CHTOP: variants seen among roughly 807,000 people sequenced by gnomAD.
CHTOP encodes chromatin target of PRMT1.
Under a neutral mutation model 33.6 loss-of-function variants are expected in CHTOP, and 18 were observed. The ratio of observed to expected loss-of-function variants is 0.54; its 90% CI spans 0.37 to 0.80. The LOEUF is 0.80. Among genes scored for constraint, CHTOP ranks in the 30% least tolerant of loss-of-function variants. CHTOP has a pLI of 0.00. For synonymous variants in CHTOP, 117 were observed against 127.7 expected, an observed-to-expected ratio of 0.92 and a Z score of 0.56; for missense variants, 263 against 336.8, an observed-to-expected ratio of 0.78 and a Z score of 1.71.
At position 153,642,378 on chromosome 1, in the gene CHTOP, C is replaced by T; in HGVS notation, c.352C>T (p.Arg118Cys). 3 of 1,614,078 alleles carry T rather than the reference C, an allele frequency of 1.9e-6. No individual in the cohort carries two copies. The highest frequency in any genetic ancestry group is 2.5e-6 in the Non-Finnish European group (3 of 1,179,974). ...IQRGLPRGGL[R>C]GGRATRTLLR... ...GAGAGGCTTGCCCAGAGGAGGACTA[C>T]GTGGGGGACGTGCCACCAGAACCCT... The change falls in exon 4 of 6, where the codon CGT becomes TGT. Residue 118 changes from arginine (R) to cysteine (C), a missense_variant. Physicochemically the swap from Arg to Cys is radical, Grantham distance 180 (BLOSUM62 -3). Transcript: ENST00000368694.
At chr1:153,636,758 A>T (rs1317651005) in intron 2 of CHTOP, 105 bp downstream of exon 2, 2 of 927,636 alleles carry the variant, frequency 2.2e-6, no homozygotes, top group Non-Finnish European at 3.4e-6. Context: ...TACCAACAGA[A>T]GGCTACAGAC....
At chr1:153,643,906 G>C (rs1668713522) in intron 5 of CHTOP, 1 of 152,260 alleles carries the variant, frequency 6.6e-6, no homozygotes. Flanking sequence ...GAGCAAGATG[G>C]AATTATTATC....
At chr1:153,635,773 G>A (rs1463969567) in intron 1 of CHTOP, among the ~76,000 whole-genome samples, 1 of 151,150 alleles carries the variant, frequency 6.6e-6, no homozygotes, top group Non-Finnish European at 1.5e-5. Flanking sequence ...AGTGAACTGA[G>A]ATCACGCCTC....
intron 2 of CHTOP, chr1:153,636,908 T>C (rs983191720): frequency 4.8e-6 from 2 of 420,858 alleles, no homozygotes; most frequent in African/African-American, 4.0e-5. Context: ...CCTAACACTC[T>C]TCCTTTTCAC....
rs546994798 is a variant in CHTOP, at chr1:153,638,914, T to C, written c.219+466T>C. 7.4e-4 allele frequency among the ~76,000 whole-genome samples: 112 copies of C among 151,258 alleles called. 1 individual carries two copies. The highest frequency in any genetic ancestry group is 4.8e-3 in the South Asian group (23 of 4,792). Reference sequence around the variant, plus strand: ...TTTTTTTTTTTAGACGGAGTCTTGCTCTGTCGCCCAGGCTGGAGTGCAGTG... The same window carrying C: ...TTTTTTTTTTTAGACGGAGTCTTGCCCTGTCGCCCAGGCTGGAGTGCAGTG... On this transcript the variant is annotated intron_variant, in intron 3 of 5. Coordinates refer to ENST00000368694, the MANE Select transcript of CHTOP (RefSeq NM_015607.4).
At chr1:153,642,224 C>G in intron 3 of CHTOP, 22 bp from the exon 4 acceptor site, 1 of 1,593,324 alleles carries the variant, frequency 6.3e-7, no homozygotes, top group African/African-American at 1.3e-5. Flanking sequence ...TCTCAATCCC[C>G]TAACACCTTT....
At chr1:153,643,551 GAATC>G in intron 5 of CHTOP, 187 bp downstream of exon 5, 1 of 562,232 alleles carries the variant, frequency 1.8e-6, no homozygotes, top group Middle Eastern at 5.0e-4. Context: ...ATTTTTCCAA[GAATC>G]AATCAAGTGC....
intron 5 of CHTOP, chr1:153,643,620 T>G (rs980422828): frequency 3.0e-6 from 1 of 336,246 alleles, no homozygotes; most frequent in Non-Finnish European, 5.3e-6. Flanking sequence ...CAAATTTAAA[T>G]TGTATAGTTG....
chr1:153,643,471 T>C, intron 5 of CHTOP, 107 bp downstream of exon 5: 1 of 1,153,674 alleles, frequency 8.7e-7, no homozygotes. Context: ...GCTTCTTTGT[T>C]TGTCTTGTTT....
At chr1:153,641,447 C>CT (rs1414386974) in intron 3 of CHTOP, among the ~76,000 whole-genome samples, 2 of 152,002 alleles carry the variant, frequency 1.3e-5, no homozygotes, top group Non-Finnish European at 2.9e-5. Context: ...TGTCCTTGTT[C>CT]TTATATATGG....
chr1:153,644,352 G>GGA lies in CHTOP; in HGVS notation c.542-707_542-706dup, dbSNP rs1204901616. On this transcript the variant is annotated intron_variant, in intron 5 of 5. Transcript: ENST00000368694. ...GATCCTGAGAGACATCACGAGGGTG[G>GGA]GAGAGACTAAAATAGCTTTTCAAAA... 9 of 152,294 alleles carry GGA rather than the reference G, an allele frequency of 5.9e-5. No individual in the cohort carries two copies. The East Asian group carries it at 1.7e-3, about 29-fold the overall frequency. 9.4% of individuals were successfully genotyped at this position (152,294 alleles called of 1,614,324 possible).
chr1:153,636,654 G>A lies in CHTOP; in HGVS notation c.65+1G>A. 1 of 1,612,578 alleles carries A rather than the reference G, an allele frequency of 6.2e-7. No individual in the cohort carries two copies. Among genetic ancestry groups the A allele is most frequent in the Middle Eastern group, 1.7e-4 (1 of 6,058 alleles). Reference sequence around the variant, plus strand: ...CCACCAAGATGTCTCTAAATGAGCGGTGAGGCAGCCAACAGCAACTTCAAC... The same window carrying A: ...CCACCAAGATGTCTCTAAATGAGCGATGAGGCAGCCAACAGCAACTTCAAC... On this transcript the variant is annotated splice_donor_variant, in intron 2 of 5. Transcript: ENST00000368694. LOFTEE classifies it high-confidence loss of function.
At chr1:153,636,722 A>T (rs1214808202) in intron 2 of CHTOP, 69 bp downstream of exon 2, 28 of 1,372,034 alleles carry the variant, frequency 2.0e-5, no homozygotes, top group Non-Finnish European at 4.1e-6. Context: ...CTGGGGTCCA[A>T]TGCACAAAGC....
chr1:153,645,009 C>T, intron 5 of CHTOP, 55 bp from the exon 6 acceptor site: 1 of 1,532,470 alleles, frequency 6.5e-7, no homozygotes, highest in Non-Finnish European at 8.9e-7. Flanking sequence ...ACTACAGCAC[C>T]TATTAAACTT....
intron 1 of CHTOP, among the ~76,000 whole-genome samples, chr1:153,635,749 G>C (rs1431819598): frequency 6.6e-6 from 1 of 151,824 alleles, no homozygotes; most frequent in South Asian, 2.1e-4. Context: ...CTTGAACGGG[G>C]AGGCAGAGGT....
chr1:153,638,460 G>A lies in CHTOP; in HGVS notation c.219+12G>A. The A allele has an allele frequency of 6.2e-7, 1 of 1,614,102 alleles. No homozygotes were observed. The highest frequency in any genetic ancestry group is 2.2e-5 in the East Asian group (1 of 44,882). On this transcript the variant is annotated intron_variant, in intron 3 of 5. Coordinates refer to ENST00000368694, the MANE Select transcript of CHTOP (RefSeq NM_015607.4). ...TAAAACTTAAGCAGGTGAGAGAATG[G>A]GTCTTAATGCTCCAGAAGCAGCTGG...
intron 1 of CHTOP, among the ~76,000 whole-genome samples, chr1:153,635,628 C>A (rs1021953683): frequency 4.0e-5 from 6 of 151,894 alleles, no homozygotes; most frequent in Non-Finnish European, 8.8e-5. Flanking sequence ...CAAGACCACC[C>A]TGGCCAACGT....
Position 153,643,350 on chromosome 1 carries a change from G to C in CHTOP, c.527G>C (p.Gly176Ala), listed in dbSNP as rs1396325012. ...GLGRGAMGRG[G>A]IGGRGRGMIG... ...GGGCGTGGAGCTATGGGTCGTGGCG[G>C]AATCGGTGGTAGAGGTTAGTCAGCT... The change falls in exon 5 of 6, where the codon GGA (glycine) becomes GCA (alanine). Residue 176 changes from glycine (G) to alanine (A), a missense_variant. By Grantham distance (60) the Gly-to-Ala change is moderately conservative. This residue lies in a region of CHTOP where 168 missense variants were observed against 179.9 expected (regional missense o/e 0.93). Coordinates refer to ENST00000368694, the MANE Select transcript of CHTOP (RefSeq NM_015607.4). 2.5e-6 allele frequency: 4 copies of C among 1,576,006 alleles called. No individual in the cohort carries two copies. The highest frequency in any genetic ancestry group is 3.4e-6 in the Non-Finnish European group (4 of 1,163,528).
At chr1:153,636,978 AG>A (rs1198807962) in intron 2 of CHTOP, 2 of 236,664 alleles carry the variant, frequency 8.5e-6, no homozygotes, top group African/African-American at 2.2e-5. Context: ...TGGCTACAGT[AG>A]GCTTGCTGCC....
Sources: gnomAD v4.1 joint callset for allele counts (sites outside exome capture counted in the v4.1 genomes callset) on GRCh38, gnomAD v4.1.1 for gene constraint, gnomAD v4.1.1 regional missense constraint, MANE v1.5 for transcripts, NCBI Gene and HGNC (gene_info 2026-07-23, HGNC 2026-07-21) for gene names.